The following RNF20 variants were observed in gnomAD, a reference collection of about 807,000 sequenced individuals.
RNF20 encodes ring finger protein 20, also known as E3 ubiquitin-protein ligase BRE1A.
RNF20 carries 84 observed loss-of-function variants against 126.2 expected under a neutral mutation model. The ratio of observed to expected loss-of-function variants is 0.67; its 90% CI spans 0.56 to 0.80. The LOEUF is 0.80. Ranked by LOEUF, RNF20 falls within the 30% of genes least tolerant of loss-of-function variation. The pLI is 0.00. For synonymous variants in RNF20, 400 were observed against 414.3 expected (o/e 0.97, Z 0.42); for missense variants, 869 against 1,188.2 (o/e 0.73, Z 3.95).
rs1827616202 is a variant in RNF20 at position 101,560,912 on chromosome 9, A to T, written c.2494A>T (p.Met832Leu). The T allele has an allele frequency of 1.9e-6, 3 of 1,612,226 alleles. No individual in the cohort carries two copies. The highest frequency in any genetic ancestry group is 3.3e-4 in the Middle Eastern group (2 of 6,040). Reference sequence around the variant, plus strand: ...GGGTCTTAGGACCCAAGCCTTAGAGATGAATAAACGCAAGGTATGATTGAT... The same window carrying T: ...GGGTCTTAGGACCCAAGCCTTAGAGTTGAATAAACGCAAGGTATGATTGAT... ...ELGLRTQALE[M>L]NKRKAMEAAQ... Residue 832 changes from methionine (M) to leucine (L), a missense_variant, in exon 17 of 20, where the codon ATG (methionine) becomes TTG (leucine). Met to Leu is a conservative substitution (Grantham distance 15). Around this residue, in one of 8 missense-constraint regions of RNF20, gnomAD observed 150 missense variants for 173.7 expected, o/e 0.86. Coordinates refer to ENST00000389120, the MANE Select transcript of RNF20 (RefSeq NM_019592.7).
At chr9:101,537,482 A>C (rs1827201815) in intron 2 of RNF20, among the ~76,000 whole-genome samples, 1 of 152,168 alleles carries the variant, frequency 6.6e-6, no homozygotes, top group African/African-American at 2.4e-5. Flanking sequence ...GTAGTTAATA[A>C]GCTGGATACT....
intron 2 of RNF20, 130 bp from the exon 3 acceptor site, chr9:101,540,073 G>A (rs1459607817): frequency 2.3e-6 from 2 of 851,352 alleles, no homozygotes; most frequent in Non-Finnish European, 3.6e-6. Flanking sequence ...TTAATTACTT[G>A]TAAGATTTTT....
intron 8 of RNF20, 90 bp from the exon 9 acceptor site, chr9:101,547,309 T>A (rs1827366829): frequency 6.2e-7 from 1 of 1,602,514 alleles, no homozygotes; most frequent in Non-Finnish European, 8.6e-7. Context: ...CATGGGGTTT[T>A]GCTGGAATAG....
chr9:101,554,046 C>T lies in RNF20; in HGVS notation c.1960C>T (p.Pro654Ser), dbSNP rs758840431. The T allele has an allele frequency of 1.7e-5, 28 of 1,613,482 alleles. No individual in the cohort carries two copies. Among genetic ancestry groups the T allele is most frequent in the Non-Finnish European group, 2.4e-5 (28 of 1,179,714 alleles). The change falls in exon 14 of 20, where the codon CCA (proline) becomes TCA (serine). Residue 654 changes from proline to serine, a missense_variant. Pro to Ser is a moderately conservative substitution (Grantham distance 74). This residue lies in a region of RNF20 where 231 missense variants were observed against 263.6 expected (regional missense o/e 0.88). Transcript: ENST00000389120. ...KLLLDMYRSAPKEQRDKVQLM... is the reference protein window; with the variant it reads ...KLLLDMYRSASKEQRDKVQLM... ...ATTGCTGGATATGTACCGTTCTGCC[C>T]CAAAGGAACAGAGAGACAAAGTTCA... is the stretch of plus-strand genomic sequence containing the variant.
At chr9:101,555,798 A>C (rs939609514) in intron 15 of RNF20, among the ~76,000 whole-genome samples, 2 of 151,770 alleles carry the variant, frequency 1.3e-5, no homozygotes, top group African/African-American at 2.4e-5. Flanking sequence ...TTAAAAAAAA[A>C]AAAAAACAAA....
chr9:101,545,384 T>G (rs986157990), intron 6 of RNF20, among the ~76,000 whole-genome samples: 5 of 152,222 alleles, frequency 3.3e-5, no homozygotes, highest in Non-Finnish European at 5.9e-5. Flanking sequence ...AATTAGTAAT[T>G]TAGTAGTTGC....
At chr9:101,539,941 T>C (rs1265849794) in intron 2 of RNF20, among the ~76,000 whole-genome samples, 1 of 152,026 alleles carries the variant, frequency 6.6e-6, no homozygotes, top group Non-Finnish European at 1.5e-5. Context: ...AAAGCAGCAT[T>C]ACTTTGTAGA....
rs781159468 is a variant in RNF20 at position 101,562,062 on chromosome 9, C to T, written c.2751+51C>T. On this transcript the variant is annotated intron_variant, in intron 19 of 19. Transcript: ENST00000389120. ...GTTTTTTGTCAAAGCTTTAAGTGGC[C>T]TAATAGACTGGGAGAATAATTTGCA... is the stretch of plus-strand genomic sequence containing the variant. 10 of 1,387,762 alleles carry T rather than the reference C, an allele frequency of 7.2e-6. No individual in the cohort carries two copies. In the South Asian group the frequency reaches 1.2e-4, roughly 17 times the overall value. 86.0% of individuals were successfully genotyped at this position (1,387,762 alleles called of 1,614,324 possible). A position where few individuals can be genotyped will look rare whatever the true frequency, so the allele number is the denominator to read the frequency against.
chr9:101,547,253 T>A (rs1827366076), intron 8 of RNF20, 39 bp downstream of exon 8: 2 of 1,607,896 alleles, frequency 1.2e-6, no homozygotes, highest in Admixed American at 3.3e-5. Flanking sequence ...GGACTGTATG[T>A]CAGCTTTCAT....
At chr9:101,552,056 G>A in intron 11 of RNF20, 85 bp from the exon 12 acceptor site, 1 of 1,522,484 alleles carries the variant, frequency 6.6e-7, no homozygotes, top group Non-Finnish European at 9.0e-7. Context: ...ATTTCTCAGT[G>A]CCTCCTGATG....
intron 5 of RNF20, among the ~76,000 whole-genome samples, chr9:101,543,511 A>C (rs1399184025): frequency 7.1e-6 from 1 of 140,500 alleles, no homozygotes; most frequent in Non-Finnish European, 1.5e-5. Flanking sequence ...TAACCCTGCC[A>C]CTGCAGTACT....
At chr9:101,554,236 T>A in intron 14 of RNF20, 131 bp downstream of exon 14, 1 of 572,904 alleles carries the variant, frequency 1.7e-6, no homozygotes. Context: ...ATTTTCTGCC[T>A]TTTCAAAGAC....
intron 16 of RNF20, among the ~76,000 whole-genome samples, chr9:101,560,273 T>C (rs905633290): frequency 2.6e-5 from 4 of 152,194 alleles, no homozygotes; most frequent in Admixed American, 2.0e-4. Context: ...GGACTATCTT[T>C]TTGATATGCT....
chr9:101,552,925 C>T (rs991620534), intron 13 of RNF20, among the ~76,000 whole-genome samples, 172 bp downstream of exon 13: 2 of 152,094 alleles, frequency 1.3e-5, no homozygotes, highest in Admixed American at 1.3e-4. Flanking sequence ...GCTTGCATGG[C>T]TATTTAGTAC....
chr9:101,552,028 T>C (rs757915758), intron 11 of RNF20, 113 bp from the exon 12 acceptor site: 9 of 1,423,096 alleles, frequency 6.3e-6, no homozygotes, highest in African/African-American at 1.4e-5. Context: ...AGGAATCTTT[T>C]ATTTGGTAAT....
At chr9:101,545,679 G>A (rs539465521) in intron 6 of RNF20, among the ~76,000 whole-genome samples, 1 of 152,146 alleles carries the variant, frequency 6.6e-6, no homozygotes, top group Non-Finnish European at 1.5e-5. Flanking sequence ...GATTATCCTG[G>A]ACCTTCAAAG....
intron 11 of RNF20, 62 bp from the exon 12 acceptor site, chr9:101,552,079 T>G (rs1196282688): frequency 6.2e-7 from 1 of 1,604,958 alleles, no homozygotes; most frequent in African/African-American, 1.3e-5. Context: ...TTCTGTTCTT[T>G]CTCTCCTTGT....
At chr9:101,549,909 A>G (rs1308423228) in intron 9 of RNF20, among the ~76,000 whole-genome samples, 1 of 152,232 alleles carries the variant, frequency 6.6e-6, no homozygotes, top group African/African-American at 2.4e-5. Context: ...ATATAATCAT[A>G]TCTAAGATCT....
At chr9:101,560,728 T>A in intron 16 of RNF20, 73 bp from the exon 17 acceptor site, 1 of 1,430,830 alleles carries the variant, frequency 7.0e-7, no homozygotes, top group Non-Finnish European at 9.4e-7. Context: ...TGTGGGCTTA[T>A]AGATTAACAG....
Sources: gnomAD v4.1 joint callset for allele counts (sites outside exome capture counted in the v4.1 genomes callset) on GRCh38, gnomAD v4.1.1 for gene constraint, gnomAD v4.1.1 regional missense constraint, MANE v1.5 for transcripts, NCBI Gene and HGNC (gene_info 2026-07-23, HGNC 2026-07-21) for gene names.